CCDC192: variants seen among roughly 807,000 people sequenced by gnomAD.
CCDC192 encodes coiled-coil domain-containing protein 192.
At chr5:127,900,906 G>C (rs1753019862) in intron 6 of CCDC192, among the ~76,000 whole-genome samples, 1 of 152,156 alleles carries the variant, frequency 6.6e-6, no homozygotes, top group African/African-American at 2.4e-5. Context: ...TACAGTTACT[G>C]TGTGCCTCAG....
chr5:127,928,172 A>C (rs1356371207), intron 6 of CCDC192, among the ~76,000 whole-genome samples: 34 of 152,188 alleles, frequency 2.2e-4, no homozygotes, highest in Non-Finnish European at 5.9e-5. Context: ...CGCCTGCCTC[A>C]GCCTCCCAAA....
intron 5 of CCDC192, among the ~76,000 whole-genome samples, chr5:127,856,859 T>C (rs1751121857): frequency 6.6e-6 from 1 of 152,144 alleles, no homozygotes; most frequent in South Asian, 2.1e-4. Flanking sequence ...CCCAAAACAA[T>C]AACAATAGTA....
intron 5 of CCDC192, among the ~76,000 whole-genome samples, chr5:127,845,482 G>A (rs1247070819): frequency 2.0e-5 from 3 of 152,198 alleles, no homozygotes; most frequent in Non-Finnish European, 2.9e-5. Flanking sequence ...AGACTTGACC[G>A]AGCTCAGGGA....
chr5:127,769,091 T>C (rs1755400526), intron 3 of CCDC192, among the ~76,000 whole-genome samples: 1 of 152,230 alleles, frequency 6.6e-6, no homozygotes, highest in Admixed American at 6.5e-5. Context: ...TTCTGCAATA[T>C]TAATTACCGC....
intron 3 of CCDC192, chr5:127,784,832 T>A (rs1756445272): frequency 2.2e-6 from 1 of 465,052 alleles, no homozygotes; most frequent in Non-Finnish European, 4.2e-6. Flanking sequence ...GCAGTCTTCC[T>A]CAATATTTTT....
chr5:127,812,502 T>G (rs1758133846), intron 5 of CCDC192, among the ~76,000 whole-genome samples: 2 of 152,318 alleles, frequency 1.3e-5, no homozygotes, highest in South Asian at 4.1e-4. Flanking sequence ...TGACCCTCAT[T>G]TGCTACATAT....
intron 5 of CCDC192, among the ~76,000 whole-genome samples, chr5:127,811,251 T>C (rs73345095): frequency 0.014 from 2,186 of 152,256 alleles, 40 homozygotes; most frequent in African/African-American, 0.049. Context: ...TTCCCTCCCT[T>C]GTTGGGGCAT....
At chr5:127,714,771 C>G (rs1329417307) in intron 2 of CCDC192, among the ~76,000 whole-genome samples, 4 of 152,182 alleles carry the variant, frequency 2.6e-5, no homozygotes, top group African/African-American at 9.7e-5. Context: ...CTCCCATTCT[C>G]CCTGCTCTCA....
chr5:127,930,077 C>G (rs1045878444), intron 6 of CCDC192, among the ~76,000 whole-genome samples: 1 of 152,218 alleles, frequency 6.6e-6, no homozygotes, highest in Non-Finnish European at 1.5e-5. Context: ...GTGGCGCATG[C>G]CCATAATCCC....
At chr5:127,793,227 A>G (rs1203289354) in intron 3 of CCDC192, among the ~76,000 whole-genome samples, 6 of 152,242 alleles carry the variant, frequency 3.9e-5, no homozygotes, top group Non-Finnish European at 7.3e-5. Flanking sequence ...AAACATAGAT[A>G]TCCTGATTCT....
chr5:127,736,007 AG>A (rs1354494611), intron 2 of CCDC192, among the ~76,000 whole-genome samples: 2 of 107,248 alleles, frequency 1.9e-5, no homozygotes, highest in Non-Finnish European at 3.6e-5. Flanking sequence ...GTCTTGTCCC[AG>A]TTTTCAAAGG....
intron 5 of CCDC192, among the ~76,000 whole-genome samples, chr5:127,853,795 C>CA (rs1322915012): frequency 1.6e-3 from 248 of 152,092 alleles, no homozygotes; most frequent in African/African-American, 5.4e-3. Context: ...AACAAACAAA[C>CA]AAAAAACAAA....
intron 5 of CCDC192, among the ~76,000 whole-genome samples, chr5:127,844,159 T>C (rs907736050): frequency 6.6e-6 from 1 of 152,216 alleles, no homozygotes; most frequent in Non-Finnish European, 1.5e-5. Context: ...TGGCATCTCA[T>C]AAGACAGGAA....
chr5:127,793,132 A>G (rs1580667952), intron 3 of CCDC192, among the ~76,000 whole-genome samples: 1 of 152,330 alleles, frequency 6.6e-6, no homozygotes, highest in East Asian at 1.9e-4. Flanking sequence ...TACTTTCTGA[A>G]TCTAAAAAAA....
chr5:127,779,757 T>G (rs1002048699), intron 3 of CCDC192, among the ~76,000 whole-genome samples: 1 of 152,152 alleles, frequency 6.6e-6, no homozygotes, highest in African/African-American at 2.4e-5. Context: ...CCATAGGTTA[T>G]TGGGGGTACA....
intron 6 of CCDC192, among the ~76,000 whole-genome samples, chr5:127,907,367 G>T (rs541792675): frequency 2.0e-5 from 3 of 152,086 alleles, no homozygotes; most frequent in African/African-American, 7.2e-5. Flanking sequence ...TCAGATTTGG[G>T]TTATAAAGTT....
Position 127,797,134 on chromosome 5 carries a change from T to C in CCDC192, c.254T>C (p.Leu85Pro). ...GTCTCTGAAGGAACAAAATCAAAACTGCTTGAACAAGTATCCCGGCTGGAG... is the reference window on the plus strand; with the variant it reads ...GTCTCTGAAGGAACAAAATCAAAACCGCTTGAACAAGTATCCCGGCTGGAG... ...LSVSEGTKSKLLEQVSRLEEK... is the reference protein window; with the variant it reads ...LSVSEGTKSKPLEQVSRLEEK... The change falls in exon 4 of 7, where the codon CTG (leucine) becomes CCG (proline). Residue 85 changes from leucine to proline, a missense_variant. Coordinates refer to ENST00000514853, the MANE Select transcript of CCDC192 (RefSeq NM_001317938.2). The C allele has an allele frequency of 2.5e-6, 1 of 398,308 alleles. No homozygotes were observed. Among genetic ancestry groups the C allele is most frequent in the South Asian group, 1.3e-4 (1 of 7,848 alleles). The allele number at this position is 398,308 out of a possible 1,614,324, so 24.7% of individuals were successfully genotyped here. A position where few individuals can be genotyped will look rare whatever the true frequency, so the allele number is the denominator to read the frequency against.
intron 6 of CCDC192, among the ~76,000 whole-genome samples, chr5:127,889,020 C>G (rs1482611786): frequency 6.6e-6 from 1 of 152,114 alleles, no homozygotes; most frequent in African/African-American, 2.4e-5. Flanking sequence ...GGGTTCTAAA[C>G]AAAGATACAT....
intron 5 of CCDC192, among the ~76,000 whole-genome samples, chr5:127,809,030 A>T (rs1321502188): frequency 6.6e-6 from 1 of 152,200 alleles, no homozygotes; most frequent in Non-Finnish European, 1.5e-5. Context: ...TCTTATTTTC[A>T]AAAAGAAAGA....
Sources: gnomAD v4.1 joint callset for allele counts (sites outside exome capture counted in the v4.1 genomes callset) on GRCh38, gnomAD v4.1.1 for gene constraint, MANE v1.5 for transcripts, NCBI Gene and HGNC (gene_info 2026-07-23, HGNC 2026-07-21) for gene names.